PAQR8: variants seen among roughly 807,000 people sequenced by gnomAD.
PAQR8 encodes membrane progestin receptor beta.
In PAQR8, 17 loss-of-function variants were observed where a neutral mutation model predicts 25.2. The ratio of observed to expected loss-of-function variants is 0.67; its 90% CI spans 0.46 to 1.01. The LOEUF is 1.01. Among genes scored for constraint, PAQR8 ranks in the 50% least tolerant of loss-of-function variants. PAQR8 has a pLI of 0.00. For missense variants in PAQR8, 392 were observed against 448.4 expected, an observed-to-expected ratio of 0.87 and a Z score of 1.14; for synonymous variants, 204 against 190.6, an observed-to-expected ratio of 1.07 and a Z score of -0.58.
chr6:52,387,934 T>C (rs1763651821), intron 1 of PAQR8, among the ~76,000 whole-genome samples: 3 of 152,234 alleles, frequency 2.0e-5, no homozygotes, highest in Non-Finnish European at 4.4e-5. Flanking sequence ...GTACTCTCCT[T>C]ATGAAAATCT....
chr6:52,390,572 A>G (rs1763692602), intron 1 of PAQR8, among the ~76,000 whole-genome samples: 2 of 152,100 alleles, frequency 1.3e-5, no homozygotes, highest in Non-Finnish European at 2.9e-5. Flanking sequence ...CCACAAACCC[A>G]CATGGTCAGG....
At chr6:52,400,890 G>C (rs932252956) in intron 1 of PAQR8, among the ~76,000 whole-genome samples, 2 of 152,174 alleles carry the variant, frequency 1.3e-5, no homozygotes, top group African/African-American at 4.8e-5. Flanking sequence ...CTAGTACCTA[G>C]CACAGAGCCC....
rs534588500 is a variant in PAQR8 at position 52,379,727 on chromosome 6, C to T, written c.-53+17478C>T. On this transcript the variant is annotated intron_variant, in intron 1 of 1. Coordinates refer to ENST00000442253, the MANE Select transcript of PAQR8 (RefSeq NM_133367.5). ...CTGCGAGCTCCGCCTCCCGGGTTCACGCCATTCTCCTGCTTCAGCCTCCGA... is the reference window on the plus strand; with the variant it reads ...CTGCGAGCTCCGCCTCCCGGGTTCATGCCATTCTCCTGCTTCAGCCTCCGA... Among the ~76,000 whole-genome samples the T allele has an allele frequency of 2.9e-3, 433 of 150,092 alleles. 1 individual carries two copies. The highest frequency in any genetic ancestry group is 1.0e-2 in the African/African-American group (407 of 40,838).
intron 1 of PAQR8, among the ~76,000 whole-genome samples, chr6:52,400,868 T>C (rs1763822285): frequency 6.6e-6 from 1 of 152,218 alleles, no homozygotes; most frequent in East Asian, 1.9e-4. Flanking sequence ...CCAGTCTTTG[T>C]ATCCCTAGTA....
chr6:52,399,269 A>G (rs1763803695), intron 1 of PAQR8, among the ~76,000 whole-genome samples: 1 of 152,226 alleles, frequency 6.6e-6, no homozygotes, highest in South Asian at 2.1e-4. Context: ...GGCTGGTGAT[A>G]TGAGAAATAG....
chr6:52,367,552 G>A (rs1019416724), intron 1 of PAQR8, among the ~76,000 whole-genome samples: 21 of 152,188 alleles, frequency 1.4e-4, no homozygotes, highest in African/African-American at 5.1e-4. Context: ...AACCTATTAT[G>A]TACAGAAAGA....
chr6:52,377,200 C>T (rs946332776), intron 1 of PAQR8, among the ~76,000 whole-genome samples: 1 of 152,166 alleles, frequency 6.6e-6, no homozygotes. Flanking sequence ...GACACTTTCT[C>T]GACCTGCATT....
Position 52,403,484 on chromosome 6 carries a change from T to C in PAQR8, c.271T>C (p.Leu91=). The C allele has an allele frequency of 6.2e-7, 1 of 1,614,172 alleles. No homozygotes were observed. The highest frequency in any genetic ancestry group is 8.5e-7 in the Non-Finnish European group (1 of 1,180,042). The change falls in exon 2 of 2, where the codon TTG becomes CTG. Residue 91 remains leucine, a synonymous_variant. Coordinates refer to ENST00000442253, the MANE Select transcript of PAQR8 (RefSeq NM_133367.5). ...THLLAALAVL[L]RFWAFAEAEA... is the part of the protein sequence containing the mutation. ...TTTACTGGCAGCCCTGGCCGTCCTC[T>C]TGCGATTCTGGGCCTTTGCCGAGGC...
At chr6:52,378,152 T>G (rs1763506805) in intron 1 of PAQR8, among the ~76,000 whole-genome samples, 1 of 152,240 alleles carries the variant, frequency 6.6e-6, no homozygotes, top group African/African-American at 2.4e-5. Flanking sequence ...TTTTATTTAT[T>G]TAAGTCACAT....
In PAQR8 at chr6:52,406,909, G is replaced by A. The variant is rs6933844; in HGVS notation, c.*2631G>A. The A allele has an allele frequency of 0.089, 18,871 of 211,406 alleles. 1,489 individuals are homozygous for A. Among genetic ancestry groups the A allele is most frequent in the Admixed American group, 0.26 (4,341 of 16,608 alleles). 13.1% of individuals were successfully genotyped at this position (211,406 alleles called of 1,614,324 possible). A position where few individuals can be genotyped will look rare whatever the true frequency, so the allele number is the denominator to read the frequency against. On this transcript the variant is annotated 3_prime_UTR_variant, in exon 2 of 2. Coordinates refer to ENST00000442253, the MANE Select transcript of PAQR8 (RefSeq NM_133367.5). ...AGATATTTGAGAGGCATTGAGGTAG[G>A]AGACTCTATGACATGCCCTCAGAAT...
intron 1 of PAQR8, among the ~76,000 whole-genome samples, chr6:52,370,085 T>TCC (rs1201752766): frequency 4.0e-5 from 6 of 150,632 alleles, no homozygotes; most frequent in African/African-American, 1.5e-4. Context: ...TTTTTTTTTT[T>TCC]CCCCTCTTTA....
At chr6:52,388,061 CTTATATA>C (rs1471822302) in intron 1 of PAQR8, among the ~76,000 whole-genome samples, 1 of 152,172 alleles carries the variant, frequency 6.6e-6, no homozygotes, top group Non-Finnish European at 1.5e-5. Context: ...TAATTATTTC[CTTATATA>C]TTATAATGTA....
At chr6:52,394,411 C>G (rs1283000240) in intron 1 of PAQR8, among the ~76,000 whole-genome samples, 1 of 152,130 alleles carries the variant, frequency 6.6e-6, no homozygotes, top group Non-Finnish European at 1.5e-5. Flanking sequence ...ACTACGAAAA[C>G]AAAACCAAAC....
At chr6:52,392,159 C>T (rs779345025) in intron 1 of PAQR8, among the ~76,000 whole-genome samples, 8 of 151,950 alleles carry the variant, frequency 5.3e-5, no homozygotes, top group Non-Finnish European at 7.4e-5. Context: ...CTGGGCAACA[C>T]GGTGAAACCC....
Position 52,394,267 on chromosome 6 carries a change from T to C in PAQR8, c.-52-8895T>C, listed in dbSNP as rs116568337. Among the ~76,000 whole-genome samples, 444 of 152,262 alleles carry C rather than the reference T, an allele frequency of 2.9e-3. 5 individuals are homozygous for C. Among genetic ancestry groups the C allele is most frequent in the African/African-American group, 0.01 (425 of 41,544 alleles). On this transcript the variant is annotated intron_variant, in intron 1 of 1. Coordinates refer to ENST00000442253, the MANE Select transcript of PAQR8 (RefSeq NM_133367.5). The stretch of plus-strand genomic sequence containing the variant: ...TAGTTCCTCTCTGAAAGTTAAATGG[T>C]CTTTTATGGGTACTTCACGTATTTT...
At chr6:52,384,682 A>G (rs940470723) in intron 1 of PAQR8, among the ~76,000 whole-genome samples, 1 of 152,250 alleles carries the variant, frequency 6.6e-6, no homozygotes, top group Admixed American at 6.5e-5. Context: ...ATTCATATGG[A>G]AACAAAGAGC....
At chr6:52,389,174 G>T (rs771101032) in intron 1 of PAQR8, among the ~76,000 whole-genome samples, 1 of 152,166 alleles carries the variant, frequency 6.6e-6, no homozygotes, top group Non-Finnish European at 1.5e-5. Context: ...CCTAGCAAGT[G>T]GATGAACCAC....
At chr6:52,382,011 A>T (rs1470080597) in intron 1 of PAQR8, among the ~76,000 whole-genome samples, 1 of 152,220 alleles carries the variant, frequency 6.6e-6, no homozygotes, top group Non-Finnish European at 1.5e-5. Flanking sequence ...AGTTTAGTGG[A>T]TTCAACAGAT....
Position 52,379,461 on chromosome 6 carries a change from T to A in PAQR8, c.-53+17212T>A, listed in dbSNP as rs142364589. On this transcript the variant is annotated intron_variant, in intron 1 of 1. Coordinates refer to ENST00000442253, the MANE Select transcript of PAQR8 (RefSeq NM_133367.5). ...TTATGTTAGGTATTTTACTTTATTT[T>A]TATTTTTTGAGACAGAGTCTCGCTC... Among the ~76,000 whole-genome samples the A allele has an allele frequency of 3.0e-3, 456 of 152,266 alleles. 4 individuals are homozygous for A. Among genetic ancestry groups the A allele is most frequent in the African/African-American group, 0.011 (439 of 41,554 alleles).
Sources: gnomAD v4.1 joint callset for allele counts (sites outside exome capture counted in the v4.1 genomes callset) on GRCh38, gnomAD v4.1.1 for gene constraint, MANE v1.5 for transcripts, NCBI Gene and HGNC (gene_info 2026-07-23, HGNC 2026-07-21) for gene names.